The following CSMD1 variants were observed in gnomAD, a reference collection of about 807,000 sequenced individuals.
CSMD1 encodes the protein CUB and Sushi multiple domains 1, also known as CUB and sushi domain-containing protein 1.
A neutral mutation model predicts 417.5 loss-of-function variants in CSMD1; 213 were observed. The ratio of observed to expected loss-of-function variants is 0.51; its 90% CI spans 0.46 to 0.57. The LOEUF (loss-of-function observed/expected upper bound fraction) is 0.57, where lower values mean the gene tolerates loss of function less well. Ranked by LOEUF, CSMD1 falls within the 20% of genes least tolerant of loss-of-function variation. The pLI is 0.00. For synonymous variants in CSMD1, 2,862 were observed against 1,736.8 expected (o/e 1.65, Z -16.11); for missense variants, 6,923 against 4,529.7 (o/e 1.53, Z -15.17).
intron 1 of CSMD1, among the ~76,000 whole-genome samples, chr8:4,856,904 A>T (rs531430065): frequency 1.1e-4 from 17 of 152,270 alleles, no homozygotes; most frequent in African/African-American, 4.1e-4. Flanking sequence ...CTCAGCTCTG[A>T]ACCAAGTGGA....
intron 6 of CSMD1, among the ~76,000 whole-genome samples, chr8:3,741,234 A>AAAAAC (rs1796788403): frequency 6.7e-6 from 1 of 148,180 alleles, no homozygotes; most frequent in Non-Finnish European, 1.5e-5. Flanking sequence ...AAAAAAAAAA[A>AAAAAC]AAAAAAACAT....
At chr8:3,516,216 G>C (rs936193080) in intron 10 of CSMD1, among the ~76,000 whole-genome samples, 2 of 152,174 alleles carry the variant, frequency 1.3e-5, no homozygotes, top group Admixed American at 1.3e-4. Context: ...GTCCTGGAAA[G>C]GGACATTCTG....
At chr8:3,979,376 T>A (rs1229429161) in intron 5 of CSMD1, among the ~76,000 whole-genome samples, 1 of 152,186 alleles carries the variant, frequency 6.6e-6, no homozygotes, top group Non-Finnish European at 1.5e-5. Context: ...TAAGGACAGC[T>A]GGAGGAGACA....
intron 5 of CSMD1, among the ~76,000 whole-genome samples, chr8:3,760,625 C>T (rs1015456034): frequency 6.6e-6 from 1 of 152,198 alleles, no homozygotes; most frequent in African/African-American, 2.4e-5. Flanking sequence ...GCGTATGTGA[C>T]TTGAAAAATG....
chr8:4,462,502 T>C (rs1179354425), intron 2 of CSMD1, among the ~76,000 whole-genome samples: 1 of 152,130 alleles, frequency 6.6e-6, no homozygotes, highest in Admixed American at 6.6e-5. Flanking sequence ...GATCCTAAAA[T>C]GCATATGGAT....
intron 7 of CSMD1, among the ~76,000 whole-genome samples, chr8:3,635,842 G>C (rs1797018807): frequency 1.4e-5 from 2 of 139,004 alleles, no homozygotes; most frequent in South Asian, 2.4e-4. Context: ...AAAAAAATGA[G>C]ACACTGCACA....
intron 5 of CSMD1, among the ~76,000 whole-genome samples, chr8:3,901,010 T>C (rs1386709928): frequency 6.6e-6 from 1 of 152,158 alleles, no homozygotes; most frequent in Non-Finnish European, 1.5e-5. Flanking sequence ...TGTCATAGTG[T>C]TATCATTATT....
intron 5 of CSMD1, among the ~76,000 whole-genome samples, chr8:3,912,229 T>C (rs77411693): frequency 0.023 from 3,514 of 152,264 alleles, 125 homozygotes; most frequent in African/African-American, 0.079. Flanking sequence ...CATACTTCTA[T>C]AGGGGCATGA....
intron 1 of CSMD1, among the ~76,000 whole-genome samples, chr8:4,789,694 T>A (rs1273386425): frequency 1.3e-5 from 2 of 152,188 alleles, no homozygotes; most frequent in African/African-American, 4.8e-5. Flanking sequence ...AATGTACTTA[T>A]TTATGATCCT....
At chr8:3,483,998 T>G (rs548819095) in intron 11 of CSMD1, among the ~76,000 whole-genome samples, 1 of 152,314 alleles carries the variant, frequency 6.6e-6, no homozygotes, top group Non-Finnish European at 1.5e-5. Flanking sequence ...TCTCCAAATT[T>G]ATCAATAGCT....
chr8:3,625,414 T>C (rs542793133), intron 7 of CSMD1, among the ~76,000 whole-genome samples: 6 of 152,156 alleles, frequency 3.9e-5, no homozygotes, highest in Admixed American at 3.9e-4. Flanking sequence ...TTGCCAGATT[T>C]TTTTGTCTGG....
At chr8:4,294,802 A>T (rs1737994064) in intron 3 of CSMD1, among the ~76,000 whole-genome samples, 1 of 151,994 alleles carries the variant, frequency 6.6e-6, no homozygotes. Context: ...CCTGGAAAAA[A>T]GTGCTTACTT....
chr8:4,837,066 TG>T (rs1800538452), intron 1 of CSMD1, among the ~76,000 whole-genome samples: 1 of 151,988 alleles, frequency 6.6e-6, no homozygotes, highest in Non-Finnish European at 1.5e-5. Context: ...GACAGGGCTC[TG>T]GGACAGAAAG....
At chr8:3,264,218 T>C (rs1801276727) in intron 26 of CSMD1, among the ~76,000 whole-genome samples, 1 of 152,226 alleles carries the variant, frequency 6.6e-6, no homozygotes, top group African/African-American at 2.4e-5. Context: ...ATTAGATTTC[T>C]TAGGAAACAT....
intron 5 of CSMD1, among the ~76,000 whole-genome samples, chr8:3,839,920 C>A (rs1803008657): frequency 6.6e-6 from 1 of 151,956 alleles, no homozygotes; most frequent in African/African-American, 2.4e-5. Context: ...AAGGAATTCA[C>A]AGAGATGCAG....
chr8:3,460,328 C>G (rs944989765), intron 12 of CSMD1, among the ~76,000 whole-genome samples: 1 of 152,110 alleles, frequency 6.6e-6, no homozygotes, highest in Admixed American at 6.6e-5. Flanking sequence ...CAGGAAGTTC[C>G]ATGGGACAAA....
Position 3,335,187 on chromosome 8 carries a change from G to C in CSMD1, c.3631+8107C>G, listed in dbSNP as rs576535910. Among the ~76,000 whole-genome samples the C allele has an allele frequency of 3.3e-5, 5 of 152,152 alleles. No homozygotes were observed. In the East Asian group the frequency reaches 5.8e-4, roughly 18 times the overall value. ...CCCTCCCTCTCATGTCACTTGTTAGGGGTATTGGTGAACCAGCCTCTAATG... is the reference window on the plus strand; with the variant it reads ...CCCTCCCTCTCATGTCACTTGTTAGCGGTATTGGTGAACCAGCCTCTAATG... On this transcript the variant is annotated intron_variant, in intron 23 of 69. Transcript: ENST00000635120.
intron 1 of CSMD1, among the ~76,000 whole-genome samples, chr8:4,928,586 C>T (rs967494749): frequency 2.6e-5 from 4 of 152,108 alleles, no homozygotes; most frequent in South Asian, 2.1e-4. Context: ...CGATCATTTA[C>T]GAAAGAGGCT....
intron 1 of CSMD1, among the ~76,000 whole-genome samples, chr8:4,670,849 G>A (rs1273483272): frequency 6.6e-6 from 1 of 152,192 alleles, no homozygotes; most frequent in Non-Finnish European, 1.5e-5. Flanking sequence ...AAAAGAACGT[G>A]TTTGTGTTTG....
Sources: gnomAD v4.1 joint callset for allele counts (sites outside exome capture counted in the v4.1 genomes callset) on GRCh38, gnomAD v4.1.1 for gene constraint, MANE v1.5 for transcripts, NCBI Gene and HGNC (gene_info 2026-07-23, HGNC 2026-07-21) for gene names.